NSD1: variants seen among roughly 807,000 people sequenced by gnomAD.
NSD1 encodes nuclear receptor binding SET domain protein 1.
NSD1 carries 26 observed loss-of-function variants against 242.7 expected under a neutral mutation model. That is an observed-to-expected ratio of 0.11 (90% CI 0.08 to 0.15). The LOEUF is 0.15. Ranked by LOEUF, NSD1 falls within the 10% of genes least tolerant of loss-of-function variation. The pLI is 1.00. For missense variants in NSD1, 2,495 were observed against 3,272.8 expected, an observed-to-expected ratio of 0.76 and a Z score of 5.80; for synonymous variants, 1,106 against 1,178.1, an observed-to-expected ratio of 0.94 and a Z score of 1.25.
chr5:177,172,437 A>T (rs887036036), intron 2 of NSD1, among the ~76,000 whole-genome samples: 1 of 152,184 alleles, frequency 6.6e-6, no homozygotes, highest in African/African-American at 2.4e-5. Context: ...ATAAAGACTG[A>T]ATCTGATGAA....
At position 177,134,845 on chromosome 5, in the gene NSD1, A is replaced by G. The variant is rs1290062088; in HGVS notation, c.-17-242A>G. On this transcript the variant is annotated intron_variant, in intron 1 of 22. Transcript: ENST00000439151. The surrounding 1 kb of genome is among the most constrained non-coding windows in gnomAD (Gnocchi z 4.2). Reference sequence around the variant, plus strand: ...GTTCATCCCAAGTGTCCACCAGTCTACAGAGGAGGAAAAAGAGACGGGCTG... The same window carrying G: ...GTTCATCCCAAGTGTCCACCAGTCTGCAGAGGAGGAAAAAGAGACGGGCTG... Among the ~76,000 whole-genome samples, 2 of 152,312 alleles carry G rather than the reference A, an allele frequency of 1.3e-5. No homozygotes were observed. Among genetic ancestry groups the G allele is most frequent in the Middle Eastern group, 3.4e-3 (1 of 294 alleles).
chr5:177,189,807 A>C (rs1761523667), intron 2 of NSD1, among the ~76,000 whole-genome samples: 1 of 152,206 alleles, frequency 6.6e-6, no homozygotes. Context: ...AAATTATATA[A>C]TAAATTTATT....
In NSD1 at chr5:177,294,675, A is replaced by G. The variant is rs1411865928; in HGVS notation, c.7307A>G (p.Glu2436Gly). The G allele has an allele frequency of 6.2e-7, 1 of 1,614,140 alleles. No individual in the cohort carries two copies. The highest frequency in any genetic ancestry group is 8.5e-7 in the Non-Finnish European group (1 of 1,180,054). Residue 2436 changes from glutamate (E) to glycine (G), a missense_variant, in exon 23 of 23, where the codon GAA becomes GGA. Coordinates refer to ENST00000439151, the MANE Select transcript of NSD1 (RefSeq NM_022455.5). ...SAVVQTLVAK[E>G]KALRPVDQNT... ...GTGGTCCAGACCCTTGTAGCTAAAGAAAAAGCACTGAGGCCTGTGGACCAG... is the reference window on the plus strand; with the variant it reads ...GTGGTCCAGACCCTTGTAGCTAAAGGAAAAGCACTGAGGCCTGTGGACCAG...
At chr5:177,174,341 C>T (rs1482174171) in intron 2 of NSD1, among the ~76,000 whole-genome samples, 1 of 152,018 alleles carries the variant, frequency 6.6e-6, no homozygotes, top group Non-Finnish European at 1.5e-5. Context: ...GCAACAAGAG[C>T]GAGACAGATT....
At chr5:177,216,648 G>T (rs1359702917) in intron 5 of NSD1, among the ~76,000 whole-genome samples, 4 of 146,474 alleles carry the variant, frequency 2.7e-5, no homozygotes, top group Admixed American at 2.7e-4. Flanking sequence ...GACCATGTAT[G>T]TGATTTATTT....
intron 16 of NSD1, among the ~76,000 whole-genome samples, chr5:177,272,724 T>C (rs1171986628): frequency 6.6e-6 from 1 of 151,938 alleles, no homozygotes; most frequent in African/African-American, 2.4e-5. Flanking sequence ...ACCTTGTCTG[T>C]ACAAAAAAAT....
At chr5:177,248,400 A>G (rs991454577) in intron 11 of NSD1, 76 bp downstream of exon 11, 3 of 1,513,430 alleles carry the variant, frequency 2.0e-6, no homozygotes, top group African/African-American at 1.4e-5. Context: ...TCTCTTTATG[A>G]TGGTTTCTTG....
At chr5:177,187,715 C>G (rs1581244136) in intron 2 of NSD1, among the ~76,000 whole-genome samples, 1 of 152,134 alleles carries the variant, frequency 6.6e-6, no homozygotes, top group Non-Finnish European at 1.5e-5. Flanking sequence ...TGTGTTTTCA[C>G]GTTGTCTTCC....
At chr5:177,163,929 A>G (rs773797727) in intron 2 of NSD1, among the ~76,000 whole-genome samples, 8 of 152,150 alleles carry the variant, frequency 5.3e-5, no homozygotes, top group Admixed American at 3.3e-4. Context: ...ACACAACTAC[A>G]TAATGTATTT....
intron 16 of NSD1, among the ~76,000 whole-genome samples, chr5:177,270,249 A>G (rs886895216): frequency 6.6e-5 from 10 of 152,318 alleles, no homozygotes; most frequent in Admixed American, 6.5e-4. Flanking sequence ...GTAAAGGTCA[A>G]AGCATAAATG....
At chr5:177,156,433 C>T (rs534296624) in intron 2 of NSD1, among the ~76,000 whole-genome samples, 2 of 152,246 alleles carry the variant, frequency 1.3e-5, no homozygotes, top group Admixed American at 1.3e-4. Flanking sequence ...TCTTCCTCAG[C>T]CTCCCAAAGT....
Position 177,210,020 on chromosome 5 carries a change from G to T in NSD1, c.1621G>T (p.Asp541Tyr). Residue 541 changes from aspartate (D) to tyrosine (Y), a missense_variant, in exon 5 of 23, where the codon GAT (aspartate) becomes TAT (tyrosine). Asp to Tyr is a radical substitution (Grantham distance 160). Transcript: ENST00000439151. ...CCTTGGCCTAAACTTTATCTCTGGG[G>T]ATATATCTGATACGCAGGCCTCTAA... ...ENLGLNFISGDISDTQASNEL... is the reference protein window; with the variant it reads ...ENLGLNFISGYISDTQASNEL... 6.2e-7 allele frequency: 1 copy of T among 1,614,132 alleles called. No homozygotes were observed. Among genetic ancestry groups the T allele is most frequent in the South Asian group, 1.1e-5 (1 of 91,078 alleles).
chr5:177,147,416 C>T (rs878937883), intron 2 of NSD1, among the ~76,000 whole-genome samples: 2 of 152,054 alleles, frequency 1.3e-5, no homozygotes, highest in East Asian at 3.9e-4. Context: ...CTAGCCCCTC[C>T]ATCTCTAGCC....
chr5:177,266,571 G>C, intron 14 of NSD1: 1 of 689,798 alleles, frequency 1.4e-6, no homozygotes, highest in South Asian at 2.6e-5. Context: ...TGCAGTTCAC[G>C]ACCTCGGCGG....
rs555342463 is a variant in NSD1, at chr5:177,203,299, G to A, written c.1064-821G>A. Among the ~76,000 whole-genome samples, 3 of 151,916 alleles carry A rather than the reference G, an allele frequency of 2.0e-5. No homozygotes were observed. In the East Asian group the frequency reaches 5.8e-4, roughly 29 times the overall value. On this transcript the variant is annotated intron_variant, in intron 3 of 22. Transcript: ENST00000439151. ...AATGTGTGGAAGATAACATATACTA[G>A]ATGAATTATAATCTTTTCTAGATGG...
intron 2 of NSD1, chr5:177,136,856 A>G: frequency 1.5e-6 from 1 of 670,298 alleles, no homozygotes; most frequent in Non-Finnish European, 2.7e-6. Flanking sequence ...AAAGTTTTAT[A>G]TTTATTTATT....
At chr5:177,217,261 C>T (rs1032424799) in intron 5 of NSD1, among the ~76,000 whole-genome samples, 1 of 152,038 alleles carries the variant, frequency 6.6e-6, no homozygotes, top group Non-Finnish European at 1.5e-5. Context: ...CTTTTTTATG[C>T]TATTGCAAAT....
chr5:177,206,219 C>G (rs976996175), intron 4 of NSD1, among the ~76,000 whole-genome samples: 2 of 152,100 alleles, frequency 1.3e-5, no homozygotes, highest in Non-Finnish European at 2.9e-5. Context: ...AGGCTGGTCT[C>G]AAACTCCTGT....
At chr5:177,264,751 C>A in intron 14 of NSD1, 1 of 726,342 alleles carries the variant, frequency 1.4e-6, no homozygotes, top group Non-Finnish European at 2.5e-6. Flanking sequence ...TGCCATCTTC[C>A]TGTAATTCGC....
Sources: allele counts gnomAD v4.1 joint callset (sites outside exome capture counted in the v4.1 genomes callset), GRCh38; gene constraint gnomAD v4.1.1; non-coding constraint Gnocchi (gnomAD v3.1); transcripts MANE v1.5; gene names NCBI Gene and HGNC (gene_info 2026-07-23, HGNC 2026-07-21).